Variants in MAP3K15 observed in about 807,000 individuals in gnomAD.
The protein encoded by MAP3K15 is mitogen-activated protein kinase kinase kinase 15.
MAP3K15 carries 124 observed loss-of-function variants against 99.5 expected under a neutral mutation model. That is an observed-to-expected ratio of 1.25 (90% CI 1.08 to 1.45). MAP3K15 has a LOEUF of 1.45. Among genes scored for constraint, MAP3K15 ranks in the 40% most tolerant of loss-of-function variants. MAP3K15 has a pLI of 0.00. For synonymous variants in MAP3K15, 494 were observed against 439.6 expected (o/e 1.12, Z -1.55); for missense variants, 1,242 against 1,079.7 (o/e 1.15, Z -2.11).
At chrX:19,488,408 G>A (rs1266758480) in intron 2 of MAP3K15, among the ~76,000 whole-genome samples, 2 of 111,905 alleles carry the variant, frequency 1.8e-5, no homozygotes, top group African/African-American at 6.5e-5. Context: ...TTCGGTAACT[G>A]TTCAATGTCT....
chrX:19,480,531 C>T (rs1042635475), intron 3 of MAP3K15, among the ~76,000 whole-genome samples: 2 of 107,719 alleles, frequency 1.9e-5, no homozygotes, highest in African/African-American at 3.4e-5. Context: ...GGGCCGGGTG[C>T]GGGCCAGGCA....
intron 22 of MAP3K15, among the ~76,000 whole-genome samples, chrX:19,372,371 G>A (rs1352189482): frequency 2.7e-5 from 3 of 111,673 alleles, no homozygotes; most frequent in Non-Finnish European, 3.8e-5. Context: ...CGGGCTTTCT[G>A]CTACAATCTG....
intron 19 of MAP3K15, among the ~76,000 whole-genome samples, chrX:19,379,441 CTTTTTTTTTTT>C (rs770431394): frequency 2.4e-3 from 151 of 62,311 alleles, no homozygotes; most frequent in Admixed American, 4.5e-3. Context: ...AGTGTTTTTC[CTTTTTTTTTTT>C]TTTTTTTTTT....
At chrX:19,465,842 T>TGTGTGTGA (rs1391044844) in intron 3 of MAP3K15, among the ~76,000 whole-genome samples, 41 of 107,467 alleles carry the variant, frequency 3.8e-4, no homozygotes, top group African/African-American at 1.2e-3. Flanking sequence ...TGTGTGTGTG[T>TGTGTGTGA]GTGTGTGTGT....
At chrX:19,494,309 A>AG (rs2064386856) in intron 1 of MAP3K15, among the ~76,000 whole-genome samples, 1 of 111,091 alleles carries the variant, frequency 9.0e-6, no homozygotes, top group African/African-American at 3.3e-5. Flanking sequence ...AGAGAGAGAG[A>AG]GAGGAGGAGG....
chrX:19,449,491 G>A (rs2064022995), intron 6 of MAP3K15, among the ~76,000 whole-genome samples: 1 of 109,135 alleles, frequency 9.2e-6, no homozygotes, highest in African/African-American at 3.3e-5. Context: ...ATTTATCAAT[G>A]TCTAGAGACA....
Position 19,407,267 on chromosome X carries a change from C to T in MAP3K15, c.1765G>A (p.Glu589Lys), listed in dbSNP as rs778163094. 14 of 1,177,908 alleles carry T rather than the reference C, an allele frequency of 1.2e-5. No individual in the cohort carries two copies. The Admixed American group carries it at 3.1e-4, about 26-fold the overall frequency. ...IKGISLSKFD[E>K]RCCFLYVHDN... is the part of the protein sequence containing the mutation. ...TGGACATAAAGAAAACAACACCTTT[C>T]ATCAAACTTTGATAGGCTGTAAAAT... The change falls in exon 13 of 29, where the codon GAA becomes AAA. Residue 589 changes from glutamate (E) to lysine (K), a missense_variant. Physicochemically the swap from Glu to Lys is moderately conservative, Grantham distance 56. Coordinates refer to ENST00000338883, the MANE Select transcript of MAP3K15 (RefSeq NM_001001671.4).
chrX:19,414,093 G>C (rs1261600586), intron 10 of MAP3K15, among the ~76,000 whole-genome samples: 2 of 106,257 alleles, frequency 1.9e-5, no homozygotes, highest in Non-Finnish European at 3.9e-5. Flanking sequence ...CCCAGGAGGC[G>C]GAGGTTGCAG....
Position 19,407,186 on chromosome X carries a change from A to AC in MAP3K15, c.1844+1dup. 1 of 1,147,415 alleles carries AC rather than the reference A, an allele frequency of 8.7e-7. No homozygotes were observed. Among genetic ancestry groups the AC allele is most frequent in the East Asian group, 3.1e-5 (1 of 32,076 alleles). The allele number at this position is 1,147,415 out of a possible 1,213,427, so 94.6% of individuals were successfully genotyped here. A position where few individuals can be genotyped will look rare whatever the true frequency, so the allele number is the denominator to read the frequency against. On this transcript the variant is annotated splice_donor_variant, in intron 13 of 28. Coordinates refer to ENST00000338883, the MANE Select transcript of MAP3K15 (RefSeq NM_001001671.4). LOFTEE classifies it high-confidence loss of function. The stretch of plus-strand genomic sequence containing the variant: ...CAAATACCTGAATTGGCTGTAACTC[A>AC]CCTACTGCACTGCTCTTCGGTGGAA...
At chrX:19,495,464 G>A (rs1351511516) in intron 1 of MAP3K15, among the ~76,000 whole-genome samples, 1 of 111,598 alleles carries the variant, frequency 9.0e-6, no homozygotes, top group Non-Finnish European at 1.9e-5. Context: ...AAGGAGGGGA[G>A]GCGTGAGGAC....
intron 6 of MAP3K15, among the ~76,000 whole-genome samples, chrX:19,439,893 T>C (rs1569225971): frequency 8.9e-6 from 1 of 112,340 alleles, no homozygotes; most frequent in African/African-American, 3.2e-5. Context: ...TCTTGGCCTT[T>C]CTGCAGCCCT....
intron 2 of MAP3K15, among the ~76,000 whole-genome samples, chrX:19,487,129 T>TGGGGGG (rs370200376): frequency 5.9e-5 from 2 of 33,619 alleles, no homozygotes; most frequent in Non-Finnish European, 1.6e-4. Flanking sequence ...TTTCTGGGGG[T>TGGGGGG]GGGGGGGGGG....
intron 3 of MAP3K15, among the ~76,000 whole-genome samples, chrX:19,471,725 C>G (rs965357649): frequency 9.0e-6 from 1 of 111,178 alleles, no homozygotes; most frequent in African/African-American, 3.3e-5. Flanking sequence ...TTGTCATATA[C>G]AAGAGAATTC....
At chrX:19,411,947 T>C (rs1569214904) in intron 11 of MAP3K15, among the ~76,000 whole-genome samples, 3 of 111,282 alleles carry the variant, frequency 2.7e-5, no homozygotes, top group African/African-American at 9.8e-5. Flanking sequence ...CATAAGAGGG[T>C]AGGAGAATAT....
chrX:19,371,657 CTGTT>C (rs1354977616), intron 22 of MAP3K15, 127 bp from the exon 23 acceptor site: 2 of 594,258 alleles, frequency 3.4e-6, no homozygotes, highest in Non-Finnish European at 2.6e-6. Flanking sequence ...GAAGGGGTCT[CTGTT>C]TGTTCCCTCC....
intron 16 of MAP3K15, among the ~76,000 whole-genome samples, chrX:19,392,818 G>A (rs181837309): frequency 3.2e-3 from 356 of 111,448 alleles, no homozygotes; most frequent in African/African-American, 0.011. Context: ...GCCTGCTGGC[G>A]TAGATAACTC....
chrX:19,490,768 A>T (rs761685374), intron 1 of MAP3K15, among the ~76,000 whole-genome samples: 529 of 106,386 alleles, frequency 5.0e-3, no homozygotes, highest in Non-Finnish European at 7.3e-3. Context: ...AAAAAAAAAA[A>T]AAATAAAATG....
intron 25 of MAP3K15, among the ~76,000 whole-genome samples, chrX:19,365,162 T>C: frequency 9.2e-6 from 1 of 108,800 alleles, no homozygotes. Context: ...TGAGCAGAGA[T>C]TGCACCACTG....
At chrX:19,404,835 C>T (rs1376631583) in intron 13 of MAP3K15, among the ~76,000 whole-genome samples, 2 of 111,534 alleles carry the variant, frequency 1.8e-5, no homozygotes, top group African/African-American at 6.5e-5. Flanking sequence ...AAAGTTGGAA[C>T]CCCTACCTTA....
Sources: gnomAD v4.1 joint callset for allele counts (sites outside exome capture counted in the v4.1 genomes callset) on GRCh38, gnomAD v4.1.1 for gene constraint, MANE v1.5 for transcripts, NCBI Gene and HGNC (gene_info 2026-07-23, HGNC 2026-07-21) for gene names.